Variants in COL18A1 observed in about 807,000 individuals in gnomAD.
COL18A1 encodes the protein collagen type XVIII alpha 1 chain, also known as collagen alpha-1(XVIII) chain.
COL18A1 carries 133 observed loss-of-function variants against 168.0 expected under a neutral mutation model. That is an observed-to-expected ratio of 0.79 (90% CI 0.69 to 0.91). COL18A1 has a LOEUF of 0.91. COL18A1 is among the 40% of genes least tolerant of loss of function. The pLI is 0.00. For synonymous variants in COL18A1, 949 were observed against 809.0 expected (o/e 1.17, Z -2.94); for missense variants, 2,126 against 1,925.4 (o/e 1.10, Z -1.95).
In COL18A1 at chr21:45,477,763, G is replaced by A; in HGVS notation, c.1019G>A (p.Gly340Glu). ...GGRVKEGGLK[G>E]QKGEPGVPGP... ...GTTTATTCCCAGGGCGGCCTGAAGG[G>A]GCAGAAAGGGGAGCCAGGTGTTCCG... is the stretch of plus-strand genomic sequence containing the variant. The change falls in exon 8 of 42, where the codon GGG becomes GAG. Residue 340 changes from glycine to glutamate, a missense_variant. Coordinates refer to ENST00000651438, the MANE Select transcript of COL18A1 (RefSeq NM_001379500.1). The A allele has an allele frequency of 6.5e-7, 1 of 1,541,720 alleles. No homozygotes were observed. The highest frequency in any genetic ancestry group is 8.7e-7 in the Non-Finnish European group (1 of 1,143,474).
At chr21:45,499,368 G>A (rs1486057850) in intron 32 of COL18A1, among the ~76,000 whole-genome samples, 2 of 152,230 alleles carry the variant, frequency 1.3e-5, no homozygotes, top group African/African-American at 4.8e-5. Flanking sequence ...GAGGTCAGAG[G>A]CTCCCTCGGG....
intron 2 of COL18A1, among the ~76,000 whole-genome samples, chr21:45,418,744 C>A (rs150599898): frequency 7.9e-4 from 120 of 152,180 alleles, no homozygotes; most frequent in African/African-American, 2.9e-3. Context: ...CTCAGGGCAG[C>A]GGCACCTCCT....
At position 45,425,655 on chromosome 21, in the gene COL18A1, C is replaced by G. The variant is rs1433115645; in HGVS notation, c.106+20182C>G. Among the ~76,000 whole-genome samples the G allele has an allele frequency of 1.3e-5, 2 of 152,160 alleles. No homozygotes were observed. Among genetic ancestry groups the G allele is most frequent in the Admixed American group, 1.3e-4 (2 of 15,284 alleles). ...GGGTCCCTCTCGTCGTCCAGCCTCC[C>G]CGGCTCCTCAGGGGGAGGTTCGGGG... On this transcript the variant is annotated intron_variant, in intron 2 of 41. Transcript: ENST00000651438. The surrounding 1 kb of genome is among the most constrained non-coding windows in gnomAD (Gnocchi z 4.1).
intron 2 of COL18A1, among the ~76,000 whole-genome samples, chr21:45,422,922 G>C (rs762844540): frequency 4.6e-5 from 7 of 152,106 alleles, no homozygotes; most frequent in Non-Finnish European, 8.8e-5. Flanking sequence ...CGAGTAGCTG[G>C]GATTACAGGC....
chr21:45,434,458 G>T (rs1156285254), intron 2 of COL18A1, among the ~76,000 whole-genome samples: 1 of 152,194 alleles, frequency 6.6e-6, no homozygotes, highest in Non-Finnish European at 1.5e-5. Flanking sequence ...TCTCTCCGGG[G>T]GGGTTTGCAG....
rs916677266 is a variant in COL18A1, at chr21:45,471,697, C to G, written c.652-2198C>G. Among the ~76,000 whole-genome samples the G allele has an allele frequency of 2.0e-5, 3 of 152,120 alleles. No individual in the cohort carries two copies. The highest frequency in any genetic ancestry group is 2.9e-5 in the Non-Finnish European group (2 of 68,028). On this transcript the variant is annotated intron_variant, in intron 3 of 41. Coordinates refer to ENST00000651438, the MANE Select transcript of COL18A1 (RefSeq NM_001379500.1). This position sits in a 1 kb window ranked among gnomAD's most constrained non-coding sequence, Gnocchi z 4.4. ...ATCATGCACCCCTCCCAGCTGCTGC[C>G]GTTGCCTTGAACGTCATTTCCAGCT... is the stretch of plus-strand genomic sequence containing the variant.
chr21:45,440,934 G>A (rs985546903), intron 2 of COL18A1, among the ~76,000 whole-genome samples: 2 of 152,220 alleles, frequency 1.3e-5, no homozygotes, highest in East Asian at 3.9e-4. Flanking sequence ...GCACTTCTAG[G>A]ACGTTATCGT....
Position 45,473,074 on chromosome 21 carries a change from T to A in COL18A1, c.652-821T>A, listed in dbSNP as rs2035505553. On this transcript the variant is annotated intron_variant, in intron 3 of 41. Coordinates refer to ENST00000651438, the MANE Select transcript of COL18A1 (RefSeq NM_001379500.1). This position sits in a 1 kb window ranked among gnomAD's most constrained non-coding sequence, Gnocchi z 4.0. ...GCGGCCAGTGGAGCCCCTGGTACTG[T>A]GCGCAGCCCCCACCTGGCAGCCCCT... is the stretch of plus-strand genomic sequence containing the variant. Among the ~76,000 whole-genome samples the A allele has an allele frequency of 6.6e-6, 1 of 152,184 alleles. No homozygotes were observed. Among genetic ancestry groups the A allele is most frequent in the Non-Finnish European group, 1.5e-5 (1 of 68,010 alleles).
chr21:45,488,439 C>G lies in COL18A1; in HGVS notation c.1918C>G (p.Leu640Val), dbSNP rs1442611570. 6.2e-7 allele frequency: 1 copy of G among 1,613,924 alleles called. No individual in the cohort carries two copies. The highest frequency in any genetic ancestry group is 1.1e-5 in the South Asian group (1 of 91,082). ...ACAGGGACCTCCCGGCCTGCCGGGA[C>G]TTAAGGTCAGTGACGGATATGTCTG... ...GPQGPPGLPG[L>V]KGDPGVPGLP... Residue 640 changes from leucine to valine, a missense_variant, in exon 18 of 42, where the codon CTT (leucine) becomes GTT (valine). Coordinates refer to ENST00000651438, the MANE Select transcript of COL18A1 (RefSeq NM_001379500.1).
At chr21:45,482,365 T>C in intron 14 of COL18A1, 1 of 663,858 alleles carries the variant, frequency 1.5e-6, no homozygotes. Flanking sequence ...CCCCAGGCGT[T>C]TGTGGGTGGA....
intron 2 of COL18A1, among the ~76,000 whole-genome samples, chr21:45,451,107 C>G (rs918295922): frequency 5.3e-5 from 8 of 152,246 alleles, no homozygotes; most frequent in East Asian, 1.9e-4. Context: ...TAGCCTCAGG[C>G]TCCTCAGGAG....
rs78253236 is a variant in COL18A1, at chr21:45,450,806, G to A, written c.107-17436G>A. Among the ~76,000 whole-genome samples the A allele has an allele frequency of 2.5e-3, 387 of 152,274 alleles. 3 individuals carry two copies. The highest frequency in any genetic ancestry group is 6.8e-3 in the Middle Eastern group (2 of 294). Reference sequence around the variant, plus strand: ...CCACCGCATCTCAGGCCTCCCTCCCGGTGTGCCCACCCTGCACCCCACAGC... The same window carrying A: ...CCACCGCATCTCAGGCCTCCCTCCCAGTGTGCCCACCCTGCACCCCACAGC... On this transcript the variant is annotated intron_variant, in intron 2 of 41. Transcript: ENST00000651438.
At chr21:45,487,298 T>C in intron 16 of COL18A1, 149 bp from the exon 17 acceptor site, 3 of 951,948 alleles carry the variant, frequency 3.2e-6, no homozygotes, top group East Asian at 5.2e-5. Flanking sequence ...TGCCACCAGG[T>C]AGACAGTCCC....
chr21:45,472,276 T>C (rs1290166305), intron 3 of COL18A1, among the ~76,000 whole-genome samples: 4 of 149,482 alleles, frequency 2.7e-5, no homozygotes, highest in African/African-American at 7.4e-5. Flanking sequence ...CAGGCTGGAG[T>C]GCAGTGGCAC....
chr21:45,405,537 G>T, intron 2 of COL18A1, 64 bp downstream of exon 2: 1 of 1,074,140 alleles, frequency 9.3e-7, no homozygotes, highest in East Asian at 3.9e-5. Flanking sequence ...CCCTGGCTGG[G>T]GTCCCCGCCC....
intron 24 of COL18A1, 47 bp downstream of exon 24, chr21:45,492,760 G>T: frequency 3.5e-6 from 3 of 849,752 alleles, no homozygotes; most frequent in Non-Finnish European, 5.1e-6. Flanking sequence ...CTGGGGAGGG[G>T]TCTCCACCTG....
At chr21:45,493,895 G>A (rs967506382) in intron 26 of COL18A1, 19 of 400,734 alleles carry the variant, frequency 4.7e-5, no homozygotes, top group Non-Finnish European at 6.5e-5. Context: ...AGCCCAGGCT[G>A]TACCAGCTCA....
chr21:45,458,978 G>A (rs948732903), intron 2 of COL18A1, among the ~76,000 whole-genome samples: 1 of 152,206 alleles, frequency 6.6e-6, no homozygotes, highest in East Asian at 1.9e-4. Flanking sequence ...TGGCCCGGTC[G>A]GTGGCACAGC....
intron 5 of COL18A1, among the ~76,000 whole-genome samples, chr21:45,475,808 C>T (rs1464958819): frequency 1.3e-5 from 2 of 152,260 alleles, no homozygotes; most frequent in Admixed American, 1.3e-4. Context: ...CCTTGGTCTT[C>T]GAGGCAACCT....
Sources: gnomAD v4.1 joint callset for allele counts (sites outside exome capture counted in the v4.1 genomes callset) on GRCh38, gnomAD v4.1.1 for gene constraint, Gnocchi (gnomAD v3.1) non-coding constraint, MANE v1.5 for transcripts, NCBI Gene and HGNC (gene_info 2026-07-23, HGNC 2026-07-21) for gene names.